LIMS2: variants seen among roughly 807,000 people sequenced by gnomAD.
LIMS2 encodes LIM zinc finger domain containing 2.
A neutral mutation model predicts 45.3 loss-of-function variants in LIMS2; 30 were observed. The ratio of observed to expected loss-of-function variants is 0.66; its 90% CI spans 0.50 to 0.90. LIMS2 has a LOEUF of 0.90. Ranked by LOEUF, LIMS2 falls within the 40% of genes least tolerant of loss-of-function variation. The pLI is 0.00. For missense variants in LIMS2, 485 were observed against 468.7 expected, an observed-to-expected ratio of 1.03 and a Z score of -0.32; for synonymous variants, 173 against 188.0, an observed-to-expected ratio of 0.92 and a Z score of 0.65.
rs566613361 is a variant in LIMS2, at chr2:127,639,514, C to G, written c.879-86G>C. On this transcript the variant is annotated intron_variant, in intron 9 of 9. Coordinates refer to ENST00000355119, the MANE Select transcript of LIMS2 (RefSeq NM_001161403.3). ...TGACTGTGGAGTGGGCTTCCCTCAG[C>G]CCCCAGCCTCCCCACACCAGCCTCT... 27 of 1,499,238 alleles carry G rather than the reference C, an allele frequency of 1.8e-5. No individual in the cohort carries two copies. The African/African-American group carries it at 2.7e-4, about 15-fold the overall frequency. The allele number at this position is 1,499,238 out of a possible 1,614,324, so 92.9% of individuals were successfully genotyped here.
intron 4 of LIMS2, chr2:127,650,761 C>T: frequency 6.2e-7 from 1 of 1,613,734 alleles, no homozygotes; most frequent in Non-Finnish European, 8.5e-7. Context: ...GTGGCTCCCC[C>T]AGGTCTGATC....
intron 2 of LIMS2, among the ~76,000 whole-genome samples, chr2:127,657,094 GCTCA>G (rs954312504): frequency 1.4e-4 from 21 of 152,332 alleles, no homozygotes; most frequent in East Asian, 3.9e-4. Flanking sequence ...CGGTTGCTGT[GCTCA>G]CTGTCTAGTC....
intron 1 of LIMS2, among the ~76,000 whole-genome samples, chr2:127,668,700 AAAAAAAAAAAACAC>A (rs1685145016): frequency 1.5e-5 from 2 of 129,970 alleles, no homozygotes; most frequent in African/African-American, 6.3e-5. Context: ...AAAAAAAAAA[AAAAAAAAAAAACAC>A]CTTACTTAAA....
At chr2:127,657,687 A>G in intron 1 of LIMS2, 125 bp from the exon 2 acceptor site, 1 of 1,079,814 alleles carries the variant, frequency 9.3e-7, no homozygotes, top group Non-Finnish European at 1.3e-6. Context: ...CAGGATCAGG[A>G]AAATCGCTCT....
At chr2:127,660,823 A>G (rs763992822) in intron 1 of LIMS2, among the ~76,000 whole-genome samples, 1 of 151,782 alleles carries the variant, frequency 6.6e-6, no homozygotes. Flanking sequence ...GTTAGACCTG[A>G]TAGCCAGTCT....
Position 127,667,586 on chromosome 2 carries a change from G to A in LIMS2, c.11+7428C>T, listed in dbSNP as rs1472418220. 1.3e-5 allele frequency among the ~76,000 whole-genome samples: 2 copies of A among 152,278 alleles called. No individual in the cohort carries two copies. Among genetic ancestry groups the A allele is most frequent in the East Asian group, 3.9e-4 (2 of 5,194 alleles). ...ATACCATATCAATAGAATATAGGGA[G>A]GACACTCTATGACCATCTCAACAGA... On this transcript the variant is annotated intron_variant, in intron 1 of 9. Transcript: ENST00000355119. The surrounding 1 kb of genome is among the most constrained non-coding windows in gnomAD (Gnocchi z 4.1).
At chr2:127,674,635 G>T (rs2105349214) in intron 1 of LIMS2, 2 of 985,346 alleles carry the variant, frequency 2.0e-6, no homozygotes, top group South Asian at 4.7e-5. Flanking sequence ...ATCGGGGATC[G>T]CACAGCGCGG....
intron 6 of LIMS2, chr2:127,641,817 A>C: frequency 2.1e-6 from 1 of 483,466 alleles, no homozygotes; most frequent in Non-Finnish European, 3.7e-6. Flanking sequence ...GGAAGAGGAG[A>C]GGTGGGCACA....
At chr2:127,651,683 G>A (rs777538885) in intron 4 of LIMS2, 1 of 1,613,288 alleles carries the variant, frequency 6.2e-7, no homozygotes, top group Non-Finnish European at 8.5e-7. Flanking sequence ...GTGGCAAAAG[G>A]CTCAAGGGCC....
chr2:127,665,053 G>C (rs1403521438), intron 1 of LIMS2, among the ~76,000 whole-genome samples: 1 of 152,142 alleles, frequency 6.6e-6, no homozygotes, highest in African/African-American at 2.4e-5. Context: ...GACGCAGAGG[G>C]ACCTGGTGGC....
rs1685267252 is a variant in LIMS2 at position 127,671,454 on chromosome 2, C to T, written c.11+3560G>A. ...TCTCAAAAAAAAAAAAAAGAGCCTG[C>T]ATGCGGCACAGCACAGATAGGGACA... On this transcript the variant is annotated intron_variant, in intron 1 of 9. Transcript: ENST00000355119. This position sits in a 1 kb window ranked among gnomAD's most constrained non-coding sequence, Gnocchi z 4.1. Among the ~76,000 whole-genome samples the T allele has an allele frequency of 6.6e-6, 1 of 151,584 alleles. No individual in the cohort carries two copies. Among genetic ancestry groups the T allele is most frequent in the African/African-American group, 2.4e-5 (1 of 41,216 alleles).
intron 4 of LIMS2, chr2:127,650,538 C>T (rs1452858247): frequency 1.7e-6 from 1 of 592,490 alleles, no homozygotes; most frequent in Non-Finnish European, 3.0e-6. Context: ...GTTCAGAATG[C>T]CTCTGACGCT....
At chr2:127,656,872 C>G (rs912623552) in intron 2 of LIMS2, among the ~76,000 whole-genome samples, 1 of 152,188 alleles carries the variant, frequency 6.6e-6, no homozygotes, top group African/African-American at 2.4e-5. Flanking sequence ...CCTTCTCCCT[C>G]TCATGCCCTC....
In LIMS2 at chr2:127,642,819, C is replaced by G; in HGVS notation, c.509+104G>C. The G allele has an allele frequency of 9.1e-6, 12 of 1,318,046 alleles. No homozygotes were observed. The highest frequency in any genetic ancestry group is 1.2e-5 in the Non-Finnish European group (12 of 967,898). 81.6% of individuals were successfully genotyped at this position (1,318,046 alleles called of 1,614,324 possible). A position where few individuals can be genotyped will look rare whatever the true frequency, so the allele number is the denominator to read the frequency against. The stretch of plus-strand genomic sequence containing the variant: ...CCCTCTGTCTGCCCACCCTGCTCCC[C>G]TCTCCCTCCTCAACACTTCCCCAGG... On this transcript the variant is annotated intron_variant, in intron 5 of 9. Transcript: ENST00000355119. This position sits in a 1 kb window ranked among gnomAD's most constrained non-coding sequence, Gnocchi z 5.3.
At chr2:127,641,243 T>G (rs1474255977) in intron 6 of LIMS2, 2 of 430,358 alleles carry the variant, frequency 4.6e-6, no homozygotes, top group Non-Finnish European at 8.6e-6. Context: ...ACCCCTCCTC[T>G]AAGGCACTGA....
rs3771296 is a variant in LIMS2 at position 127,647,251 on chromosome 2, G to A, written c.360-4179C>T. 6.6e-6 allele frequency among the ~76,000 whole-genome samples: 1 copy of A among 152,014 alleles called. No homozygotes were observed. The highest frequency in any genetic ancestry group is 2.4e-5 in the African/African-American group (1 of 41,406). ...GAGGGAGTGGCCCCAGGGCCAGGAG[G>A]GGGTGCTGAGCCTGGGAGACAACTC... On this transcript the variant is annotated intron_variant, in intron 4 of 9. Transcript: ENST00000355119. The surrounding 1 kb of genome is among the most constrained non-coding windows in gnomAD (Gnocchi z 4.3).
upstream of LIMS2, among the ~76,000 whole-genome samples, chr2:127,678,316 T>G (rs1158116220): frequency 6.6e-6 from 1 of 151,850 alleles, no homozygotes; most frequent in Non-Finnish European, 1.5e-5. This position sits in a 1 kb window ranked among gnomAD's most constrained non-coding sequence, Gnocchi z 5.3. Flanking sequence ...GGGAGATGGG[T>G]AAAGGGAAGG....
intron 1 of LIMS2, among the ~76,000 whole-genome samples, chr2:127,660,955 C>G (rs1684605300): frequency 6.6e-6 from 1 of 152,166 alleles, no homozygotes; most frequent in African/African-American, 2.4e-5. Context: ...GGGGTGGCCA[C>G]CTCCTTCCTG....
intron 1 of LIMS2, among the ~76,000 whole-genome samples, chr2:127,660,309 G>C (rs574145915): frequency 9.9e-5 from 15 of 152,230 alleles, no homozygotes; most frequent in Non-Finnish European, 1.6e-4. Flanking sequence ...ACCCACAGCA[G>C]CAACCAGTTG....
Sources: allele counts gnomAD v4.1 joint callset (sites outside exome capture counted in the v4.1 genomes callset), GRCh38; gene constraint gnomAD v4.1.1; non-coding constraint Gnocchi (gnomAD v3.1); transcripts MANE v1.5; gene names NCBI Gene and HGNC (gene_info 2026-07-23, HGNC 2026-07-21).